PTPRD: variants seen among roughly 807,000 people sequenced by gnomAD.
PTPRD encodes protein tyrosine phosphatase receptor type D.
PTPRD carries 34 observed loss-of-function variants against 214.5 expected under a neutral mutation model. The observed-to-expected ratio is 0.16, with a 90% confidence interval of 0.12 to 0.21. The LOEUF (loss-of-function observed/expected upper bound fraction) is 0.21, where lower values mean the gene tolerates loss of function less well. Among genes scored for constraint, PTPRD ranks in the 10% least tolerant of loss-of-function variants. PTPRD has a pLI of 1.00. For missense variants in PTPRD, 2,545 were observed against 2,398.7 expected (o/e 1.06, Z -1.27); for synonymous variants, 1,128 against 845.7 (o/e 1.33, Z -5.79).
chr9:9,545,533 T>C (rs759020982), intron 8 of PTPRD, among the ~76,000 whole-genome samples: 1 of 151,930 alleles, frequency 6.6e-6, no homozygotes, highest in Non-Finnish European at 1.5e-5. Context: ...TTAATTTCTT[T>C]CAAATGTGAA....
intron 9 of PTPRD, among the ~76,000 whole-genome samples, chr9:9,319,486 A>G (rs1369086348): frequency 6.6e-6 from 1 of 152,216 alleles, no homozygotes; most frequent in Non-Finnish European, 1.5e-5. Flanking sequence ...GTGACACAGC[A>G]TTTGTTAGTT....
chr9:8,807,708 A>G (rs59993760), intron 11 of PTPRD, among the ~76,000 whole-genome samples: 1 of 152,148 alleles, frequency 6.6e-6, no homozygotes, highest in African/African-American at 2.4e-5. Context: ...ATAAAACACA[A>G]AACGTCTTTC....
intron 3 of PTPRD, among the ~76,000 whole-genome samples, chr9:10,304,915 G>C (rs896137878): frequency 6.6e-6 from 1 of 152,072 alleles, no homozygotes; most frequent in East Asian, 1.9e-4. Flanking sequence ...CTACTTTAAA[G>C]TTCATATGGA....
intron 9 of PTPRD, among the ~76,000 whole-genome samples, chr9:9,241,119 C>T (rs2099970168): frequency 6.6e-6 from 1 of 152,006 alleles, no homozygotes; most frequent in Admixed American, 6.6e-5. Flanking sequence ...ATTCGTGGGT[C>T]TAAATGAACT....
At chr9:8,814,013 C>T (rs1249161484) in intron 11 of PTPRD, among the ~76,000 whole-genome samples, 1 of 152,170 alleles carries the variant, frequency 6.6e-6, no homozygotes, top group Non-Finnish European at 1.5e-5. Context: ...TATTTTTCTC[C>T]CCTCTAAATT....
At chr9:9,845,752 C>T (rs936555266) in intron 5 of PTPRD, among the ~76,000 whole-genome samples, 1 of 151,978 alleles carries the variant, frequency 6.6e-6, no homozygotes, top group African/African-American at 2.4e-5. Flanking sequence ...ATCTAAAATG[C>T]TAAGCACAGA....
chr9:9,539,782 T>A (rs16929710), intron 8 of PTPRD, among the ~76,000 whole-genome samples: 34,967 of 151,742 alleles, frequency 0.23, 4,355 homozygotes, highest in Non-Finnish European at 0.26. Context: ...TGGTTCAGCA[T>A]ATAGGAAAAG....
At chr9:9,964,482 G>T (rs1230600514) in intron 4 of PTPRD, among the ~76,000 whole-genome samples, 1 of 152,140 alleles carries the variant, frequency 6.6e-6, no homozygotes, top group Non-Finnish European at 1.5e-5. Flanking sequence ...AGCAGGATAG[G>T]ACAATAGTTT....
chr9:8,405,089 A>G (rs1020566990), intron 35 of PTPRD, among the ~76,000 whole-genome samples: 1 of 152,116 alleles, frequency 6.6e-6, no homozygotes, highest in Non-Finnish European at 1.5e-5. Context: ...CTGGTCTTTC[A>G]CTGGCTTCAA....
chr9:10,263,212 T>C (rs2093812987), intron 3 of PTPRD, among the ~76,000 whole-genome samples: 1 of 152,058 alleles, frequency 6.6e-6, no homozygotes, highest in South Asian at 2.1e-4. Flanking sequence ...TAGAATAGGG[T>C]GTTGCTGTAA....
At chr9:10,089,877 T>A (rs2098407792) in intron 3 of PTPRD, among the ~76,000 whole-genome samples, 1 of 151,670 alleles carries the variant, frequency 6.6e-6, no homozygotes, top group South Asian at 2.1e-4. Flanking sequence ...CTGTGTGAGC[T>A]ACTAACCTTC....
chr9:9,566,834 G>A (rs978464998), intron 8 of PTPRD, among the ~76,000 whole-genome samples: 2 of 151,964 alleles, frequency 1.3e-5, no homozygotes, highest in Non-Finnish European at 2.9e-5. Context: ...ATGGAAAAAT[G>A]AAAGAAATGC....
chr9:9,747,630 T>C (rs1160855785), intron 6 of PTPRD, among the ~76,000 whole-genome samples: 1 of 150,800 alleles, frequency 6.6e-6, no homozygotes, highest in Non-Finnish European at 1.5e-5. Flanking sequence ...CACTGCAACC[T>C]TCGTCTCGCA....
chr9:9,376,640 T>A (rs936127413), intron 9 of PTPRD, among the ~76,000 whole-genome samples: 3 of 152,150 alleles, frequency 2.0e-5, no homozygotes, highest in Admixed American at 1.3e-4. Context: ...AAACAGTCTA[T>A]GTCTTGAAAA....
intron 13 of PTPRD, 86 bp downstream of exon 13, chr9:8,636,613 C>T (rs1177063272): frequency 6.8e-7 from 1 of 1,480,554 alleles, no homozygotes; most frequent in South Asian, 1.2e-5. Flanking sequence ...CACCTTTTAT[C>T]AGAGTAAAGC....
At chr9:8,650,106 T>C (rs890934744) in intron 12 of PTPRD, among the ~76,000 whole-genome samples, 5 of 152,050 alleles carry the variant, frequency 3.3e-5, no homozygotes, top group African/African-American at 1.2e-4. Context: ...TTTGTAGAGA[T>C]GGGGTCTAGC....
intron 5 of PTPRD, among the ~76,000 whole-genome samples, chr9:9,909,462 GA>G (rs36122798): frequency 0.4 from 60,469 of 150,976 alleles, 12,619 homozygotes; most frequent in African/African-American, 0.5. Flanking sequence ...AATGACAGTT[GA>G]AAAAAAGCAG....
At chr9:10,119,834 GATA>G (rs2098760868) in intron 3 of PTPRD, among the ~76,000 whole-genome samples, 2 of 151,988 alleles carry the variant, frequency 1.3e-5, no homozygotes, top group African/African-American at 4.8e-5. Context: ...ATAGCTCCGA[GATA>G]ATGAGAGGTA....
At chr9:10,388,238 G>A (rs759320244) in intron 2 of PTPRD, among the ~76,000 whole-genome samples, 16 of 151,820 alleles carry the variant, frequency 1.1e-4, no homozygotes, top group Non-Finnish European at 2.2e-4. Context: ...AGAGAAACGT[G>A]TGATTCAAAG....
Sources: allele counts gnomAD v4.1 joint callset (sites outside exome capture counted in the v4.1 genomes callset), GRCh38; gene constraint gnomAD v4.1.1; transcripts MANE v1.5; gene names NCBI Gene and HGNC (gene_info 2026-07-23, HGNC 2026-07-21).